SLC43A1: variants seen among roughly 807,000 people sequenced by gnomAD.
The protein encoded by SLC43A1 is large neutral amino acids transporter small subunit 3.
SLC43A1 carries 31 observed loss-of-function variants against 59.5 expected under a neutral mutation model. The ratio of observed to expected loss-of-function variants is 0.52; its 90% CI spans 0.39 to 0.70. The LOEUF (loss-of-function observed/expected upper bound fraction) is 0.70. Ranked by LOEUF, SLC43A1 falls within the 30% of genes least tolerant of loss-of-function variation. SLC43A1 has a pLI of 0.00. For synonymous variants in SLC43A1, 259 were observed against 290.9 expected, an observed-to-expected ratio of 0.89 and a Z score of 1.12; for missense variants, 598 against 717.8, an observed-to-expected ratio of 0.83 and a Z score of 1.91.
Position 57,510,559 on chromosome 11 carries a change from G to C in SLC43A1, c.154+3399C>G, listed in dbSNP as rs181534471. ...TCACTGCTAACAGGAATGTAAAATA[G>C]GCTGGTCCCAGTGCAGTGGTGTTTA... On this transcript the variant is annotated intron_variant, in intron 2 of 14. Transcript: ENST00000278426. Among the ~76,000 whole-genome samples, 442 of 151,132 alleles carry C rather than the reference G, an allele frequency of 2.9e-3. 1 individual carries two copies. The highest frequency in any genetic ancestry group is 4.7e-3 in the Non-Finnish European group (319 of 67,914).
At chr11:57,509,713 G>C (rs1265653569) in intron 2 of SLC43A1, among the ~76,000 whole-genome samples, 2 of 133,956 alleles carry the variant, frequency 1.5e-5, no homozygotes. Context: ...AGAGAGGGAG[G>C]GAGGGAAAGA....
Position 57,489,400 on chromosome 11 carries a change from G to A in SLC43A1, c.1194-8C>T, listed in dbSNP as rs1488910201. 1.9e-6 allele frequency: 3 copies of A among 1,613,990 alleles called. No individual in the cohort carries two copies. The East Asian group carries it at 6.7e-5, about 36-fold the overall frequency. On this transcript the variant is annotated splice_region_variant and splice_polypyrimidine_tract_variant and intron_variant, in intron 11 of 14. Coordinates refer to ENST00000278426, the MANE Select transcript of SLC43A1 (RefSeq NM_003627.6). ...TTGGTAGCAACCCCGTCCCTGAGGA[G>A]TACGGGAAGTCACTGGCTGCTGCCT...
intron 2 of SLC43A1, among the ~76,000 whole-genome samples, chr11:57,509,264 A>T (rs532600242): frequency 6.6e-6 from 1 of 152,160 alleles, no homozygotes; most frequent in African/African-American, 2.4e-5. Flanking sequence ...TGGATCAAGG[A>T]TCTAACTATA....
rs571654270 is a variant in SLC43A1, at chr11:57,509,164, C to T, written c.154+4794G>A. Among the ~76,000 whole-genome samples, 14 of 151,984 alleles carry T rather than the reference C, an allele frequency of 9.2e-5. No individual in the cohort carries two copies. The South Asian group carries it at 2.9e-3, about 32-fold the overall frequency. ...TTCACTTTGGTCACCTCTAGTAATC[C>T]CTAACAGCCAGATTTAGAAGCATAC... On this transcript the variant is annotated intron_variant, in intron 2 of 14. Transcript: ENST00000278426.
intron 2 of SLC43A1, 126 bp from the exon 3 acceptor site, chr11:57,501,455 G>A: frequency 1.1e-6 from 1 of 901,588 alleles, no homozygotes; most frequent in South Asian, 1.5e-5. Flanking sequence ...GTACCCTAGA[G>A]TCACATCTCC....
At chr11:57,490,147 G>A (rs1410864643) in intron 11 of SLC43A1, among the ~76,000 whole-genome samples, 1 of 152,148 alleles carries the variant, frequency 6.6e-6, no homozygotes, top group South Asian at 2.1e-4. Flanking sequence ...CACAAAAAGA[G>A]CAAAAGCAGT....
At chr11:57,488,638 G>A (rs938869446) in intron 13 of SLC43A1, among the ~76,000 whole-genome samples, 5 of 152,190 alleles carry the variant, frequency 3.3e-5, no homozygotes, top group Non-Finnish European at 5.9e-5. Flanking sequence ...CTTCAGGGTG[G>A]GCATGGAGGG....
rs766364249 is a variant in SLC43A1, at chr11:57,489,389, G to A, written c.1197C>T (p.Asp399=). The A allele has an allele frequency of 3.2e-5, 51 of 1,614,020 alleles. 1 individual carries two copies. In the South Asian group the frequency reaches 3.5e-4, roughly 11 times the overall value. The stretch of plus-strand genomic sequence containing the variant: ...GTCTGATGGATTTGGTAGCAACCCC[G>A]TCCCTGAGGAGTACGGGAAGTCACT... The part of the protein sequence containing the change: ...TQGTVLGDAR[D]GVATKSIRPR... The change falls in exon 12 of 15, where the codon GAC becomes GAT. Residue 399 remains aspartate (D), a synonymous_variant. Coordinates refer to ENST00000278426, the MANE Select transcript of SLC43A1 (RefSeq NM_003627.6).
In SLC43A1 at chr11:57,489,339, A is replaced by G. The variant is rs1943834624; in HGVS notation, c.1247T>C (p.Leu416Pro). Residue 416 changes from leucine to proline, a missense_variant, in exon 12 of 15, where the codon CTC becomes CCC. By Grantham distance (98) the Leu-to-Pro change is moderately conservative. Coordinates refer to ENST00000278426, the MANE Select transcript of SLC43A1 (RefSeq NM_003627.6). Reference sequence around the variant, plus strand: ...GGTGAAGGCACTGATGGCATTGGTGAGCTTTTGGATCTTGCAGTAGCGTGG... The same window carrying G: ...GGTGAAGGCACTGATGGCATTGGTGGGCTTTTGGATCTTGCAGTAGCGTGG... ...IRPRYCKIQKLTNAISAFTLT... is the reference protein window; with the variant it reads ...IRPRYCKIQKPTNAISAFTLT... 1 of 1,614,126 alleles carries G rather than the reference A, an allele frequency of 6.2e-7. No individual in the cohort carries two copies. Among genetic ancestry groups the G allele is most frequent in the Non-Finnish European group, 8.5e-7 (1 of 1,180,030 alleles).
chr11:57,506,582 G>T (rs762456056), intron 2 of SLC43A1, among the ~76,000 whole-genome samples: 2 of 152,128 alleles, frequency 1.3e-5, no homozygotes, highest in African/African-American at 2.4e-5. Flanking sequence ...CTGGTGTCTT[G>T]TCTATGGCTG....
intron 13 of SLC43A1, among the ~76,000 whole-genome samples, chr11:57,487,819 G>A (rs1038587756): frequency 2.0e-5 from 3 of 152,056 alleles, no homozygotes; most frequent in African/African-American, 7.2e-5. Flanking sequence ...GAGAAGGTAA[G>A]ATTGGGCACC....
intron 2 of SLC43A1, among the ~76,000 whole-genome samples, chr11:57,507,417 C>T (rs75586072): frequency 0.09 from 13,670 of 152,128 alleles, 677 homozygotes; most frequent in African/African-American, 0.13. Flanking sequence ...TTGCAGTGAG[C>T]GGTGATTGCG....
chr11:57,508,290 G>GA (rs1944441133), intron 2 of SLC43A1, among the ~76,000 whole-genome samples: 2 of 151,026 alleles, frequency 1.3e-5, no homozygotes, highest in East Asian at 1.9e-4. Context: ...GAAAAGAAAA[G>GA]AAAGAAAGAT....
At position 57,514,830 on chromosome 11, in the gene SLC43A1, C is replaced by A. The variant is rs1944644958; in HGVS notation, c.-14+614G>T. ...TTTGCACCTCGGAACCCGCTTGCCC[C>A]CCTCCAGCCCCGGGAGGGGGCTCGG... is the stretch of plus-strand genomic sequence containing the variant. On this transcript the variant is annotated intron_variant, in intron 1 of 14. Transcript: ENST00000278426. The surrounding 1 kb of genome is among the most constrained non-coding windows in gnomAD (Gnocchi z 5.5). 1 of 985,426 alleles carries A rather than the reference C, an allele frequency of 1.0e-6. No individual in the cohort carries two copies. Among genetic ancestry groups the A allele is most frequent in the Non-Finnish European group, 1.2e-6 (1 of 830,060 alleles). 61.0% of individuals were successfully genotyped at this position (985,426 alleles called of 1,614,324 possible).
intron 5 of SLC43A1, among the ~76,000 whole-genome samples, chr11:57,498,622 G>A (rs896143643): frequency 7.9e-5 from 12 of 151,976 alleles, no homozygotes; most frequent in Non-Finnish European, 1.3e-4. Flanking sequence ...GCTGTGTCCC[G>A]GTAATAGGCA....
chr11:57,489,150 A>C, intron 12 of SLC43A1, 101 bp downstream of exon 12: 1 of 1,486,812 alleles, frequency 6.7e-7, no homozygotes, highest in South Asian at 1.2e-5. Context: ...GATCCAGATC[A>C]GAAGACCAGA....
At chr11:57,513,911 C>T in intron 2 of SLC43A1, 47 bp downstream of exon 2, 1 of 1,478,254 alleles carries the variant, frequency 6.8e-7, no homozygotes, top group Non-Finnish European at 9.3e-7. Context: ...CCACCTGCCC[C>T]TTTGCCATCC....
At position 57,489,378 on chromosome 11, in the gene SLC43A1, G is replaced by C; in HGVS notation, c.1208C>G (p.Thr403Ser). The C allele has an allele frequency of 6.2e-7, 1 of 1,614,182 alleles. No homozygotes were observed. The highest frequency in any genetic ancestry group is 2.2e-5 in the East Asian group (1 of 44,872). ...VLGDARDGVA[T>S]KSIRPRYCKI... The stretch of plus-strand genomic sequence containing the variant: ...GCAGTAGCGTGGTCTGATGGATTTG[G>C]TAGCAACCCCGTCCCTGAGGAGTAC... Residue 403 changes from threonine to serine, a missense_variant, in exon 12 of 15, where the codon ACC becomes AGC. Thr to Ser is a moderately conservative substitution (Grantham distance 58). Transcript: ENST00000278426.
chr11:57,496,106 GCCAGGCCAGA>G lies in SLC43A1; in HGVS notation c.607_616del (p.Ser203ProfsTer6). 6.2e-7 allele frequency: 1 copy of G among 1,614,146 alleles called. No individual in the cohort carries two copies. Among genetic ancestry groups the G allele is most frequent in the Middle Eastern group, 1.6e-4 (1 of 6,062 alleles). ...GGTGCAGTTCAGAAAGATAAGGCAG[GCCAGGCCAGA>G]CCAGGTGAACATGATGACCACGAAG... On this transcript the variant is annotated frameshift_variant, in exon 7 of 15. Transcript: ENST00000278426. LOFTEE classifies it high-confidence loss of function.
Sources: gnomAD v4.1 joint callset for allele counts (sites outside exome capture counted in the v4.1 genomes callset) on GRCh38, gnomAD v4.1.1 for gene constraint, Gnocchi (gnomAD v3.1) non-coding constraint, MANE v1.5 for transcripts, NCBI Gene and HGNC (gene_info 2026-07-23, HGNC 2026-07-21) for gene names.